ELK3: variants seen among roughly 807,000 people sequenced by gnomAD.
ELK3 encodes ETS transcription factor ELK3, also known as ETS domain-containing protein Elk-3.
Under a neutral mutation model 28.9 loss-of-function variants are expected in ELK3, and 10 were observed. That is an observed-to-expected ratio of 0.35 (90% CI 0.21 to 0.59). The LOEUF (loss-of-function observed/expected upper bound fraction) is 0.59. ELK3 is among the 20% of genes least tolerant of loss of function. ELK3 has a pLI of 0.82. For synonymous variants in ELK3, 272 were observed against 243.5 expected (o/e 1.12, Z -1.09); for missense variants, 463 against 517.3 (o/e 0.90, Z 1.02).
In ELK3 at chr12:96,250,146, C is replaced by A. The variant is rs537695062; in HGVS notation, c.1002+2412C>A. 1.6e-4 allele frequency among the ~76,000 whole-genome samples: 24 copies of A among 152,322 alleles called. No individual in the cohort carries two copies. The South Asian group carries it at 4.8e-3, about 30-fold the overall frequency. ...GAGGGGCACCAGGCAGTCCTCTAAA[C>A]CACGCAAAACTAAGGGGGTCACCAG... On this transcript the variant is annotated intron_variant, in intron 3 of 4. Coordinates refer to ENST00000228741, the MANE Select transcript of ELK3 (RefSeq NM_005230.4).
chr12:96,218,359 A>C (rs898761445), intron 1 of ELK3, among the ~76,000 whole-genome samples: 4 of 152,240 alleles, frequency 2.6e-5, no homozygotes, highest in Non-Finnish European at 5.9e-5. Flanking sequence ...ATGAAAGCAC[A>C]GAGTTCGATT....
chr12:96,209,083 C>T (rs1951558777), intron 1 of ELK3, among the ~76,000 whole-genome samples: 1 of 152,234 alleles, frequency 6.6e-6, no homozygotes, highest in African/African-American at 2.4e-5. Context: ...TCCTTCCTGA[C>T]CCTGCCGTGG....
intron 1 of ELK3, among the ~76,000 whole-genome samples, chr12:96,213,006 G>A (rs1951587683): frequency 6.6e-6 from 1 of 152,156 alleles, no homozygotes; most frequent in African/African-American, 2.4e-5. Context: ...TTTTAATTGA[G>A]TACCTATTGT....
chr12:96,217,709 G>A (rs539068437), intron 1 of ELK3, among the ~76,000 whole-genome samples: 98 of 152,258 alleles, frequency 6.4e-4, no homozygotes, highest in Admixed American at 3.3e-3. Context: ...GCCGAGGCGG[G>A]CAGATCACCT....
intron 1 of ELK3, among the ~76,000 whole-genome samples, chr12:96,199,647 C>G (rs1951496120): frequency 6.6e-6 from 1 of 152,254 alleles, no homozygotes. Flanking sequence ...TCATCCATTA[C>G]TGGAGATTTA....
intron 3 of ELK3, among the ~76,000 whole-genome samples, chr12:96,259,057 A>G (rs1295942000): frequency 6.6e-6 from 1 of 152,194 alleles, no homozygotes; most frequent in African/African-American, 2.4e-5. Context: ...GAAAATATAG[A>G]TAAGAAGAAT....
At chr12:96,253,462 T>C (rs1951923002) in intron 3 of ELK3, among the ~76,000 whole-genome samples, 1 of 152,172 alleles carries the variant, frequency 6.6e-6, no homozygotes, top group Non-Finnish European at 1.5e-5. Flanking sequence ...TCCTTTTCCG[T>C]AGGATCAGTG....
At chr12:96,220,062 A>C (rs1352042749) in intron 1 of ELK3, among the ~76,000 whole-genome samples, 4 of 152,098 alleles carry the variant, frequency 2.6e-5, no homozygotes, top group African/African-American at 4.8e-5. Context: ...CTGCCACCCA[A>C]GCTCTGCAGC....
intron 3 of ELK3, among the ~76,000 whole-genome samples, chr12:96,250,213 T>C (rs1951892906): frequency 6.6e-6 from 1 of 152,164 alleles, no homozygotes; most frequent in African/African-American, 2.4e-5. Flanking sequence ...CAGACCCCAC[T>C]TTGAACTTCC....
chr12:96,215,093 G>A (rs1478322116), intron 1 of ELK3, among the ~76,000 whole-genome samples: 1 of 150,664 alleles, frequency 6.6e-6, no homozygotes, highest in Non-Finnish European at 1.5e-5. Flanking sequence ...TCCTTTTCTT[G>A]GGCTCTCATT....
At position 96,247,577 on chromosome 12, in the gene ELK3, C is replaced by G; in HGVS notation, c.845C>G (p.Thr282Ser). The G allele has an allele frequency of 2.5e-6, 4 of 1,614,104 alleles. No homozygotes were observed. The highest frequency in any genetic ancestry group is 3.4e-6 in the Non-Finnish European group (4 of 1,180,044). The change falls in exon 3 of 5, where the codon ACC becomes AGC. Residue 282 changes from threonine to serine, a missense_variant. Thr to Ser is a moderately conservative substitution (Grantham distance 58). Around this residue, in one of 2 missense-constraint regions of ELK3, gnomAD observed 408 missense variants for 414.8 expected, o/e 0.98. Transcript: ENST00000228741. This position sits in a 1 kb window ranked among gnomAD's most constrained non-coding sequence, Gnocchi z 5.5. ...EPLNLSSGSK[T>S]KSPSLPPKAK... ...TTGAACCTGTCATCGGGCTCCAAGA[C>G]CAAGTCTCCATCTCTTCCCCCAAAG...
In ELK3 at chr12:96,229,549, T is replaced by G. The variant is rs1339455948; in HGVS notation, c.207+5776T>G. On this transcript the variant is annotated intron_variant, in intron 2 of 4. Transcript: ENST00000228741. Reference sequence around the variant, plus strand: ...TTTTTTTTTTTTTTTTTTTTTTTTTTGAGACAGAGTCTTGCTCTGTCGCCC... The same window carrying G: ...TTTTTTTTTTTTTTTTTTTTTTTTTGGAGACAGAGTCTTGCTCTGTCGCCC... Among the ~76,000 whole-genome samples the G allele has an allele frequency of 2.1e-4, 14 of 68,088 alleles. 1 individual carries two copies. The Admixed American group carries it at 2.2e-3, about 11-fold the overall frequency. The allele number at this position is 68,088 out of a possible 152,430, so 44.7% of individuals were successfully genotyped here.
At chr12:96,212,358 C>A (rs1834621575) in intron 1 of ELK3, among the ~76,000 whole-genome samples, 1 of 152,194 alleles carries the variant, frequency 6.6e-6, no homozygotes, top group African/African-American at 2.4e-5. Flanking sequence ...GAAGGAACAG[C>A]CCATCTGTTT....
rs1951980321 is a variant in ELK3 at position 96,259,845 on chromosome 12, C to T, written c.1117C>T (p.Leu373=). ...TGCCAGGCTGCAAGGGCCAAGCACGCTGTTCCAGGTGAGCGTTTGGAAATG... is the reference window on the plus strand; with the variant it reads ...TGCCAGGCTGCAAGGGCCAAGCACGTTGTTCCAGGTGAGCGTTTGGAAATG... ...SPARLQGPST[L]FQFPTLLNGH... Residue 373 remains leucine (L), a synonymous_variant, in exon 4 of 5, where the codon CTG becomes TTG. Transcript: ENST00000228741. The T allele has an allele frequency of 1.3e-6, 2 of 1,598,484 alleles. No individual in the cohort carries two copies. Among genetic ancestry groups the T allele is most frequent in the South Asian group, 1.1e-5 (1 of 89,520 alleles).
At chr12:96,235,399 GGCCGCAT>G (rs1285256119) in intron 2 of ELK3, among the ~76,000 whole-genome samples, 1 of 152,038 alleles carries the variant, frequency 6.6e-6, no homozygotes, top group Non-Finnish European at 1.5e-5. Context: ...TCCCTTACGG[GGCCGCAT>G]GCTGGGTTTT....
intron 2 of ELK3, among the ~76,000 whole-genome samples, chr12:96,244,738 C>G (rs1951844750): frequency 6.6e-6 from 1 of 152,166 alleles, no homozygotes; most frequent in Non-Finnish European, 1.5e-5. Flanking sequence ...ACCAGGCCAG[C>G]ACACTTTCTT....
At chr12:96,212,580 G>A (rs576522191) in intron 1 of ELK3, 1 of 152,178 alleles carries the variant, frequency 6.6e-6, no homozygotes, top group East Asian at 1.9e-4. Flanking sequence ...GTTGTTATAG[G>A]GGGGAGGTGG....
At chr12:96,201,815 T>C (rs10161227) in intron 1 of ELK3, among the ~76,000 whole-genome samples, 1,851 of 152,214 alleles carry the variant, frequency 0.012, 45 homozygotes, top group African/African-American at 0.042. Flanking sequence ...TCTCCATAAG[T>C]TTCCCCTTGA....
intron 1 of ELK3, among the ~76,000 whole-genome samples, chr12:96,220,382 A>ATTTTTTT (rs35309478): frequency 6.0e-5 from 6 of 100,318 alleles, no homozygotes; most frequent in South Asian, 3.4e-4. Context: ...CTTTTTCGTG[A>ATTTTTTT]TTTTTTTTTT....
Sources: gnomAD v4.1 joint callset for allele counts (sites outside exome capture counted in the v4.1 genomes callset) on GRCh38, gnomAD v4.1.1 for gene constraint, gnomAD v4.1.1 regional missense constraint, Gnocchi (gnomAD v3.1) non-coding constraint, MANE v1.5 for transcripts, NCBI Gene and HGNC (gene_info 2026-07-23, HGNC 2026-07-21) for gene names.